The following HPSE2 variants were observed in gnomAD, a reference collection of about 807,000 sequenced individuals.
HPSE2 encodes heparanase 2 (inactive).
A neutral mutation model predicts 60.5 loss-of-function variants in HPSE2; 38 were observed. The ratio of observed to expected loss-of-function variants is 0.63; its 90% CI spans 0.48 to 0.82. The LOEUF (loss-of-function observed/expected upper bound fraction) is 0.82, where lower values mean the gene tolerates loss of function less well. Ranked by LOEUF, HPSE2 falls within the 40% of genes least tolerant of loss-of-function variation. The pLI is 0.00. For missense variants in HPSE2, 713 were observed against 740.4 expected, an observed-to-expected ratio of 0.96 and a Z score of 0.43; for synonymous variants, 295 against 293.2, an observed-to-expected ratio of 1.01 and a Z score of -0.06.
the HPSE2 span, among the ~76,000 whole-genome samples, chr10:99,241,248 T>G: frequency 1.3e-5 from 2 of 152,102 alleles, no homozygotes; most frequent in African/African-American, 4.8e-5. Context: ...TATCAATGTA[T>G]AGTGGGAAAA....
At chr10:98,609,559 C>T (rs565206545) in intron 9 of HPSE2, among the ~76,000 whole-genome samples, 2 of 152,170 alleles carry the variant, frequency 1.3e-5, no homozygotes, top group Non-Finnish European at 2.9e-5. Context: ...CCACTTTTAA[C>T]ATTTAGATGT....
At chr10:99,305,991 A>ACACACACACACACG in the HPSE2 span, among the ~76,000 whole-genome samples, 1 of 148,396 alleles carries the variant, frequency 6.7e-6, no homozygotes, top group Non-Finnish European at 1.5e-5. Context: ...ACACACACAC[A>ACACACACACACACG]CACACACACA....
At chr10:99,152,919 C>A (rs1021333620) in intron 2 of HPSE2, among the ~76,000 whole-genome samples, 1 of 152,200 alleles carries the variant, frequency 6.6e-6, no homozygotes, top group African/African-American at 2.4e-5. Flanking sequence ...CGAAGCAGGG[C>A]GAGGCATTGC....
chr10:98,522,668 G>T (rs1429228076), intron 9 of HPSE2, among the ~76,000 whole-genome samples: 1 of 152,074 alleles, frequency 6.6e-6, no homozygotes, highest in Admixed American at 6.6e-5. Context: ...AGTAGAGATG[G>T]GCTTTTACCA....
chr10:99,254,256 T>C, the HPSE2 span, among the ~76,000 whole-genome samples: 1 of 152,106 alleles, frequency 6.6e-6, no homozygotes, highest in Non-Finnish European at 1.5e-5. Flanking sequence ...ATCACATCCA[T>C]TGAAACAACA....
intron 11 of HPSE2, among the ~76,000 whole-genome samples, chr10:98,462,667 T>C (rs554379379): frequency 1.3e-5 from 2 of 152,336 alleles, no homozygotes; most frequent in South Asian, 4.1e-4. Context: ...TTTTTGTTTT[T>C]GTTTTTTTGA....
the HPSE2 span, among the ~76,000 whole-genome samples, chr10:99,273,873 T>C: frequency 6.6e-6 from 1 of 152,170 alleles, no homozygotes; most frequent in Admixed American, 6.5e-5. Flanking sequence ...AAAGAAGCCA[T>C]GATCCTTTGG....
intron 7 of HPSE2, among the ~76,000 whole-genome samples, chr10:98,640,368 GCC>G: frequency 6.6e-6 from 1 of 152,222 alleles, no homozygotes; most frequent in Non-Finnish European, 1.5e-5. Flanking sequence ...AAGGGTGCTG[GCC>G]AATGCACCTG....
At chr10:98,622,577 T>C (rs1946102626) in intron 7 of HPSE2, among the ~76,000 whole-genome samples, 1 of 152,156 alleles carries the variant, frequency 6.6e-6, no homozygotes, top group African/African-American at 2.4e-5. Context: ...CTCCCCACAT[T>C]TGCTAGAGAA....
chr10:98,677,384 T>A (rs1008694962), intron 6 of HPSE2, among the ~76,000 whole-genome samples: 2 of 152,308 alleles, frequency 1.3e-5, no homozygotes, highest in South Asian at 4.1e-4. Flanking sequence ...TGTATAAAAA[T>A]GCTCAGAAAT....
intron 3 of HPSE2, among the ~76,000 whole-genome samples, chr10:98,965,952 C>A (rs754424547): frequency 2.6e-5 from 4 of 151,618 alleles, no homozygotes; most frequent in Non-Finnish European, 5.9e-5. Flanking sequence ...TGCAGTGGCG[C>A]GAATCTGGGC....
intron 2 of HPSE2, among the ~76,000 whole-genome samples, chr10:99,230,459 T>C (rs1351320954): frequency 6.6e-6 from 1 of 152,086 alleles, no homozygotes; most frequent in Non-Finnish European, 1.5e-5. Context: ...AAGGATTCCA[T>C]ATGGAATGAT....
intron 3 of HPSE2, among the ~76,000 whole-genome samples, chr10:98,812,504 T>C (rs932795197): frequency 3.9e-4 from 60 of 152,256 alleles, no homozygotes; most frequent in African/African-American, 1.4e-3. Context: ...ACTTGAGGAA[T>C]ACTAGTCTAT....
At chr10:98,769,091 ATTATT>A (rs5787309) in intron 3 of HPSE2, among the ~76,000 whole-genome samples, 106,971 of 151,400 alleles carry the variant, frequency 0.71, 38,796 homozygotes, top group South Asian at 0.81. Context: ...ATGTCCCAAC[ATTATT>A]TTAAGTTTCA....
chr10:98,612,727 G>A (rs963095363), intron 9 of HPSE2, among the ~76,000 whole-genome samples: 7 of 152,358 alleles, frequency 4.6e-5, no homozygotes, highest in Admixed American at 2.0e-4. Context: ...ACATTGTTAA[G>A]TATTATCTGC....
chr10:98,555,120 G>C (rs999210816), intron 9 of HPSE2, among the ~76,000 whole-genome samples: 5 of 152,162 alleles, frequency 3.3e-5, no homozygotes, highest in Non-Finnish European at 5.9e-5. Context: ...AGGAGGTACT[G>C]GTTTAGACAT....
At chr10:98,917,808 C>T (rs1954163680) in intron 3 of HPSE2, among the ~76,000 whole-genome samples, 1 of 152,180 alleles carries the variant, frequency 6.6e-6, no homozygotes, top group South Asian at 2.1e-4. Context: ...AACTGGTAGG[C>T]ATCCAGCAAG....
At chr10:98,719,936 G>T (rs535512400) in intron 5 of HPSE2, among the ~76,000 whole-genome samples, 1 of 152,002 alleles carries the variant, frequency 6.6e-6, no homozygotes, top group African/African-American at 2.4e-5. Context: ...AGGAGATGGA[G>T]GTTGCAGTGA....
Position 98,642,772 on chromosome 10 carries a change from T to C in HPSE2, c.1005-832A>G, listed in dbSNP as rs149347529. 2.6e-5 allele frequency among the ~76,000 whole-genome samples: 4 copies of C among 152,334 alleles called. No homozygotes were observed. In the East Asian group the frequency reaches 7.7e-4, roughly 29 times the overall value. The stretch of plus-strand genomic sequence containing the variant: ...GATCTTCGTTACCTCAGACCTTCCC[T>C]TACCCCCATCTTGGCAAAGTTCTGA... On this transcript the variant is annotated intron_variant, in intron 6 of 11. Transcript: ENST00000370552.
Sources: gnomAD v4.1 joint callset for allele counts (sites outside exome capture counted in the v4.1 genomes callset) on GRCh38, gnomAD v4.1.1 for gene constraint, MANE v1.5 for transcripts, NCBI Gene and HGNC (gene_info 2026-07-23, HGNC 2026-07-21) for gene names.